The following ERC2 variants were observed in gnomAD, a reference collection of about 807,000 sequenced individuals.
ERC2 encodes the protein ERC protein 2.
A neutral mutation model predicts 114.8 loss-of-function variants in ERC2; 42 were observed. The observed-to-expected ratio is 0.37, with a 90% CI of 0.29 to 0.47. The LOEUF is 0.47. Among genes scored for constraint, ERC2 ranks in the 20% least tolerant of loss-of-function variants. The pLI, the probability that ERC2 is intolerant of heterozygous loss-of-function variation, is 0.99. For synonymous variants in ERC2, 454 were observed against 425.5 expected (o/e 1.07, Z -0.82); for missense variants, 939 against 1,150.7 (o/e 0.82, Z 2.66).
intron 2 of ERC2, among the ~76,000 whole-genome samples, chr3:56,429,196 T>G (rs1487802899): frequency 6.6e-6 from 1 of 152,184 alleles, no homozygotes; most frequent in East Asian, 1.9e-4. Context: ...AAAGAAAAGA[T>G]AAACCTATAT....
chr3:55,689,481 T>C (rs2062518692), intron 16 of ERC2, among the ~76,000 whole-genome samples: 2 of 152,122 alleles, frequency 1.3e-5, no homozygotes, highest in Admixed American at 1.3e-4. Context: ...AGCGGAACCA[T>C]TGCCAGATAA....
chr3:56,285,928 T>C (rs568334269), intron 3 of ERC2, among the ~76,000 whole-genome samples: 1 of 152,310 alleles, frequency 6.6e-6, no homozygotes, highest in African/African-American at 2.4e-5. Flanking sequence ...CTAATTCTTT[T>C]GGAGTTTGAA....
chr3:56,274,459 C>T (rs907703979), intron 3 of ERC2, among the ~76,000 whole-genome samples: 36 of 152,100 alleles, frequency 2.4e-4, no homozygotes, highest in African/African-American at 8.5e-4. Context: ...AAATTCCCCT[C>T]CATAAACATG....
chr3:55,798,904 A>T (rs1172065220), intron 14 of ERC2, among the ~76,000 whole-genome samples: 2 of 152,198 alleles, frequency 1.3e-5, no homozygotes, highest in South Asian at 2.1e-4. Flanking sequence ...CATTATTTTT[A>T]AAAAATAATT....
chr3:55,856,953 T>C (rs1054265039), intron 14 of ERC2, among the ~76,000 whole-genome samples: 1 of 152,080 alleles, frequency 6.6e-6, no homozygotes, highest in African/African-American at 2.4e-5. Context: ...ATATGGAATG[T>C]CCAGTATAGG....
At chr3:55,823,801 G>A (rs953269347) in intron 14 of ERC2, among the ~76,000 whole-genome samples, 2 of 152,134 alleles carry the variant, frequency 1.3e-5, no homozygotes, top group East Asian at 1.9e-4. Flanking sequence ...TGAAAATGAC[G>A]TGCCCCACTT....
chr3:56,270,608 G>A (rs1452541645), intron 3 of ERC2, among the ~76,000 whole-genome samples: 1 of 152,172 alleles, frequency 6.6e-6, no homozygotes, highest in Non-Finnish European at 1.5e-5. Context: ...CAGGCTATTT[G>A]TGTATTCATT....
rs9850977 is a variant in ERC2 at position 55,772,148 on chromosome 3, T to C, written c.2565-37230A>G. Among the ~76,000 whole-genome samples the C allele has an allele frequency of 5.7e-3, 875 of 152,274 alleles. 11 individuals carry two copies. The highest frequency in any genetic ancestry group is 0.02 in the African/African-American group (834 of 41,544). On this transcript the variant is annotated intron_variant, in intron 14 of 17. Coordinates refer to ENST00000288221, the MANE Select transcript of ERC2 (RefSeq NM_015576.3). Reference sequence around the variant, plus strand: ...TTAGAATTACCATTTATTTTATTAATTAATTTATTTTTGAGACAAAGTCTC... The same window carrying C: ...TTAGAATTACCATTTATTTTATTAACTAATTTATTTTTGAGACAAAGTCTC...
intron 3 of ERC2, among the ~76,000 whole-genome samples, chr3:56,236,012 T>C (rs2050920360): frequency 6.6e-6 from 1 of 152,146 alleles, no homozygotes; most frequent in Non-Finnish European, 1.5e-5. Context: ...CAAAGAACAC[T>C]CTCCTGTGGA....
intron 14 of ERC2, among the ~76,000 whole-genome samples, chr3:55,841,088 A>G (rs2061111616): frequency 6.6e-6 from 1 of 152,218 alleles, no homozygotes; most frequent in South Asian, 2.1e-4. Flanking sequence ...AGTTGTATGC[A>G]TGAAATATGT....
intron 17 of ERC2, among the ~76,000 whole-genome samples, chr3:55,574,570 G>A (rs1017621602): frequency 1.3e-5 from 2 of 152,160 alleles, no homozygotes; most frequent in Admixed American, 6.5e-5. Flanking sequence ...TACTAGTTGT[G>A]TGACCTTGGG....
intron 13 of ERC2, among the ~76,000 whole-genome samples, chr3:55,901,726 A>G (rs1343695733): frequency 2.0e-5 from 3 of 152,216 alleles, no homozygotes; most frequent in African/African-American, 7.2e-5. Flanking sequence ...GTGACATCCC[A>G]TCACTTCCAC....
intron 14 of ERC2, among the ~76,000 whole-genome samples, chr3:55,870,182 C>A (rs2062516601): frequency 6.6e-6 from 1 of 152,026 alleles, no homozygotes; most frequent in African/African-American, 2.4e-5. Flanking sequence ...TCAAGCAATT[C>A]TCCTGCCTCA....
chr3:56,101,816 A>C (rs1182382432), intron 6 of ERC2, among the ~76,000 whole-genome samples: 1 of 152,200 alleles, frequency 6.6e-6, no homozygotes, highest in Non-Finnish European at 1.5e-5. Context: ...AAATTGGGTC[A>C]CTCAGAGCCT....
intron 3 of ERC2, among the ~76,000 whole-genome samples, chr3:56,208,815 G>T (rs2048888193): frequency 6.6e-6 from 1 of 152,130 alleles, no homozygotes; most frequent in Non-Finnish European, 1.5e-5. Flanking sequence ...TAGTCAAGGG[G>T]GGCATCTATG....
At chr3:55,816,682 G>T (rs543628526) in intron 14 of ERC2, among the ~76,000 whole-genome samples, 2 of 152,184 alleles carry the variant, frequency 1.3e-5, no homozygotes, top group African/African-American at 4.8e-5. Flanking sequence ...CAGAGGAAAG[G>T]CTGTGATTGC....
intron 14 of ERC2, among the ~76,000 whole-genome samples, chr3:55,781,607 C>T (rs962631230): frequency 2.0e-5 from 3 of 151,788 alleles, no homozygotes; most frequent in Admixed American, 6.6e-5. Flanking sequence ...TGTGGTGGCT[C>T]ACACCTGTAA....
chr3:56,391,643 C>T (rs1241208157), intron 2 of ERC2, among the ~76,000 whole-genome samples: 1 of 152,056 alleles, frequency 6.6e-6, no homozygotes, highest in African/African-American at 2.4e-5. Flanking sequence ...ACTGCTACCA[C>T]TTAGGAAGGG....
At chr3:55,962,351 A>C (rs888206587) in intron 12 of ERC2, among the ~76,000 whole-genome samples, 1 of 152,250 alleles carries the variant, frequency 6.6e-6, no homozygotes, top group Non-Finnish European at 1.5e-5. Flanking sequence ...GGCCTCTGTC[A>C]AAACTACTTA....
Sources: allele counts gnomAD v4.1 joint callset (sites outside exome capture counted in the v4.1 genomes callset), GRCh38; gene constraint gnomAD v4.1.1; transcripts MANE v1.5; gene names NCBI Gene and HGNC (gene_info 2026-07-23, HGNC 2026-07-21).